Variants in PSPC1 observed in about 807,000 individuals in gnomAD.
PSPC1 encodes paraspeckle protein 1.
Under a neutral mutation model 51.6 loss-of-function variants are expected in PSPC1, and 14 were observed. The ratio of observed to expected loss-of-function variants is 0.27; its 90% CI spans 0.18 to 0.42. The LOEUF (loss-of-function observed/expected upper bound fraction) is 0.42. Ranked by LOEUF, PSPC1 falls within the 10% of genes least tolerant of loss-of-function variation. The pLI, the probability that PSPC1 is intolerant of heterozygous loss-of-function variation, is 1.00. For synonymous variants in PSPC1, 193 were observed against 231.9 expected (o/e 0.83, Z 1.53); for missense variants, 406 against 701.1 (o/e 0.58, Z 4.75).
intron 5 of PSPC1, among the ~76,000 whole-genome samples, chr13:19,738,982 T>C (rs1885142638): frequency 6.6e-6 from 1 of 151,886 alleles, no homozygotes; most frequent in Admixed American, 6.6e-5. Flanking sequence ...TCCCCAGATA[T>C]TATCAATCCA....
At chr13:19,717,871 A>G (rs1373241745) in intron 6 of PSPC1, among the ~76,000 whole-genome samples, 1 of 146,720 alleles carries the variant, frequency 6.8e-6, no homozygotes, top group Non-Finnish European at 1.5e-5. Context: ...GGGAGACTCC[A>G]CTTTAAAAAA....
chr13:19,680,235 G>A (rs909965922), intron 6 of PSPC1, among the ~76,000 whole-genome samples: 4 of 152,214 alleles, frequency 2.6e-5, no homozygotes, highest in South Asian at 2.1e-4. Flanking sequence ...GGCTGCTCTC[G>A]AACTCCTGAC....
intron 2 of PSPC1, among the ~76,000 whole-genome samples, chr13:19,761,941 G>A (rs1887634861): frequency 6.6e-6 from 1 of 152,018 alleles, no homozygotes; most frequent in Non-Finnish European, 1.5e-5. Flanking sequence ...AGAATTAAGA[G>A]GGAAAAATGA....
At chr13:19,676,558 C>T (rs1171659827) in intron 7 of PSPC1, among the ~76,000 whole-genome samples, 1 of 152,030 alleles carries the variant, frequency 6.6e-6, no homozygotes, top group African/African-American at 2.4e-5. Context: ...TAGAAAGAAA[C>T]GTCTTCATTA....
At chr13:19,724,906 G>A (rs890879598) in intron 6 of PSPC1, among the ~76,000 whole-genome samples, 1 of 152,202 alleles carries the variant, frequency 6.6e-6, no homozygotes, top group African/African-American at 2.4e-5. Context: ...GGCTGAGGCA[G>A]GAGAATCACT....
chr13:19,720,357 G>C (rs1393948478), intron 6 of PSPC1, among the ~76,000 whole-genome samples: 1 of 152,194 alleles, frequency 6.6e-6, no homozygotes, highest in Non-Finnish European at 1.5e-5. Context: ...ACAAGCAGCA[G>C]TTCCAAATTG....
intron 4 of PSPC1, among the ~76,000 whole-genome samples, chr13:19,746,451 G>A (rs1001421403): frequency 5.9e-5 from 9 of 151,448 alleles, no homozygotes; most frequent in Non-Finnish European, 1.2e-4. Flanking sequence ...GGAGCCAGGC[G>A]CAGTGGCTCA....
chr13:19,722,814 C>CA (rs111637741), intron 6 of PSPC1, among the ~76,000 whole-genome samples: 1 of 150,442 alleles, frequency 6.6e-6, no homozygotes, highest in African/African-American at 2.4e-5. Context: ...AAAACAAAAA[C>CA]AAAAAAATTT....
chr13:19,690,832 C>T (rs369479161), intron 6 of PSPC1, among the ~76,000 whole-genome samples: 14 of 152,286 alleles, frequency 9.2e-5, no homozygotes, highest in African/African-American at 3.4e-4. Flanking sequence ...GGTACATATT[C>T]TACCAACGTC....
At chr13:19,769,562 C>A (rs1428196912) in intron 2 of PSPC1, among the ~76,000 whole-genome samples, 2 of 147,376 alleles carry the variant, frequency 1.4e-5, no homozygotes, top group East Asian at 4.0e-4. Flanking sequence ...CAAAAAAAAA[C>A]CCCGTCTTAC....
At chr13:19,739,873 A>C (rs897200497) in intron 5 of PSPC1, among the ~76,000 whole-genome samples, 3 of 151,984 alleles carry the variant, frequency 2.0e-5, no homozygotes, top group Non-Finnish European at 4.4e-5. Context: ...AAAAAAAAAA[A>C]AAAAAAAACA....
At chr13:19,748,170 A>G (rs1886182839) in intron 4 of PSPC1, among the ~76,000 whole-genome samples, 1 of 152,032 alleles carries the variant, frequency 6.6e-6, no homozygotes, top group Non-Finnish European at 1.5e-5. Flanking sequence ...AATGAGCTGA[A>G]GTTGCACCAC....
At chr13:19,781,100 C>A (rs111322180) in intron 1 of PSPC1, among the ~76,000 whole-genome samples, 1 of 149,836 alleles carries the variant, frequency 6.7e-6, no homozygotes, top group Admixed American at 6.7e-5. Flanking sequence ...GAACTGAGAT[C>A]GCGCCACTGC....
At chr13:19,757,729 G>A (rs1887225181) in intron 3 of PSPC1, among the ~76,000 whole-genome samples, 1 of 152,128 alleles carries the variant, frequency 6.6e-6, no homozygotes, top group Non-Finnish European at 1.5e-5. Context: ...CTATGCTCAG[G>A]CCCACACTGC....
chr13:19,679,505 G>A (rs1434639328), intron 6 of PSPC1, among the ~76,000 whole-genome samples: 1 of 151,996 alleles, frequency 6.6e-6, no homozygotes, highest in Non-Finnish European at 1.5e-5. Flanking sequence ...CAAAAAAAAA[G>A]GAAGAAAAGA....
chr13:19,715,737 A>T (rs931415435), intron 6 of PSPC1, among the ~76,000 whole-genome samples: 18 of 151,928 alleles, frequency 1.2e-4, no homozygotes, highest in African/African-American at 3.4e-4. Flanking sequence ...CTTAAAAAAA[A>T]TTTTTTTTGG....
At chr13:19,687,268 A>AT (rs1337340788) in intron 6 of PSPC1, among the ~76,000 whole-genome samples, 1 of 152,152 alleles carries the variant, frequency 6.6e-6, no homozygotes, top group African/African-American at 2.4e-5. Context: ...TGGGATGTGC[A>AT]TTTCTGTAAC....
chr13:19,698,098 A>G (rs1879460075), downstream of PSPC1, among the ~76,000 whole-genome samples: 1 of 152,060 alleles, frequency 6.6e-6, no homozygotes, highest in South Asian at 2.1e-4. Flanking sequence ...AAAAGCAGCT[A>G]GAACAGGAAA....
In PSPC1 at chr13:19,759,400, A is replaced by G. The variant is rs773014808; in HGVS notation, c.693T>C (p.Ile231=). Residue 231 remains isoleucine (I), a synonymous_variant, in exon 3 of 9, where the codon ATT becomes ATC. Transcript: ENST00000338910. ...FLLTTTPRPV[I]VEPMEQFDDE... Reference sequence around the variant, plus strand: ...CATCAAACTGCTCCATGGGTTCCACAATGACTGGACGAGGGGTCCTGGATA... The same window carrying G: ...CATCAAACTGCTCCATGGGTTCCACGATGACTGGACGAGGGGTCCTGGATA... The G allele has an allele frequency of 1.2e-6, 2 of 1,614,144 alleles. No homozygotes were observed. The highest frequency in any genetic ancestry group is 1.7e-6 in the Non-Finnish European group (2 of 1,179,994).
Sources: allele counts gnomAD v4.1 joint callset (sites outside exome capture counted in the v4.1 genomes callset), GRCh38; gene constraint gnomAD v4.1.1; transcripts MANE v1.5; gene names NCBI Gene and HGNC (gene_info 2026-07-23, HGNC 2026-07-21).